Variants in SATL1 observed in about 807,000 individuals in gnomAD.
SATL1 encodes the protein spermidine/spermine N1-acetyl transferase like 1, also known as spermidine/spermine N(1)-acetyltransferase-like protein 1.
Under a neutral mutation model 51.8 loss-of-function variants are expected in SATL1, and 47 were observed. That is an observed-to-expected ratio of 0.91 (90% CI 0.72 to 1.16). SATL1 has a LOEUF of 1.16. Ranked by LOEUF, SATL1 falls within the 50% of genes most tolerant of loss-of-function variation. The probability of loss-of-function intolerance (pLI) is 0.00; values close to 1 mark genes in which losing one functional copy is unlikely to be tolerated. For missense variants in SATL1, 520 were observed against 526.4 expected, an observed-to-expected ratio of 0.99 and a Z score of 0.12; for synonymous variants, 176 against 182.4, an observed-to-expected ratio of 0.97 and a Z score of 0.28.
intron 2 of SATL1, chrX:85,142,930 C>A (rs1057510364): frequency 2.7e-5 from 3 of 111,553 alleles, no homozygotes; most frequent in Non-Finnish European, 5.6e-5. Flanking sequence ...CTTCCACTTT[C>A]ATTTCTTTCT....
chrX:85,122,883 C>A (rs937882186), intron 2 of SATL1, among the ~76,000 whole-genome samples: 2 of 111,352 alleles, frequency 1.8e-5, no homozygotes, highest in East Asian at 2.8e-4. Flanking sequence ...AATGTTTAGC[C>A]CCCACTGATA....
Position 85,108,737 on chromosome X carries a change from C to T in SATL1, c.232G>A (p.Asp78Asn). The T allele has an allele frequency of 8.3e-7, 1 of 1,207,823 alleles. No individual in the cohort carries two copies. ...DINQPDMKQPDTWQLGRSQPG... is the reference protein window; with the variant it reads ...DINQPDMKQPNTWQLGRSQPG... ...TGGCTCCTACCTAATTGCCATGTGT[C>T]TGGTTGTTTCATGTCGGGTTGGTTT... is the stretch of plus-strand genomic sequence containing the variant. The change falls in exon 3 of 8, where the codon GAC becomes AAC. Residue 78 changes from aspartate (D) to asparagine (N), a missense_variant. Around this residue, in one of 3 missense-constraint regions of SATL1, gnomAD observed 488 missense variants for 474.3 expected, o/e 1.03. Coordinates refer to ENST00000644105, the MANE Select transcript of SATL1 (RefSeq NM_001367857.2).
chrX:85,143,760 T>C (rs191560067), intron 2 of SATL1, among the ~76,000 whole-genome samples: 2 of 111,720 alleles, frequency 1.8e-5, no homozygotes, highest in Non-Finnish European at 1.9e-5. Context: ...GAGATAAATA[T>C]GAAAAATTCT....
chrX:85,107,302 G>C (rs994916046), intron 3 of SATL1, 26 bp downstream of exon 3: 28 of 1,162,730 alleles, frequency 2.4e-5, no homozygotes, highest in Non-Finnish European at 3.3e-5. Flanking sequence ...ATGCCATGAG[G>C]CTCCATGTAA....
intron 1 of SATL1, among the ~76,000 whole-genome samples, chrX:85,237,732 C>T (rs1243527974): frequency 9.0e-6 from 1 of 111,424 alleles, no homozygotes; most frequent in African/African-American, 3.3e-5. Flanking sequence ...TCAAGTTAAA[C>T]AGCTTATGCA....
rs1180344193 is a variant in SATL1 at position 85,095,757 on chromosome X, C to T, written c.1694-761G>A. 7.0e-5 allele frequency among the ~76,000 whole-genome samples: 6 copies of T among 85,543 alleles called. No homozygotes were observed. The East Asian group carries it at 1.7e-3, about 24-fold the overall frequency. 74.3% of individuals were successfully genotyped at this position (85,543 alleles called of 115,157 possible). Reference sequence around the variant, plus strand: ...AGGAGAATGGCGTGAACCCGGGAGGCGGAGCTTGCAGTGAGCCGAGATCCC... The same window carrying T: ...AGGAGAATGGCGTGAACCCGGGAGGTGGAGCTTGCAGTGAGCCGAGATCCC... On this transcript the variant is annotated intron_variant, in intron 4 of 7. Coordinates refer to ENST00000644105, the MANE Select transcript of SATL1 (RefSeq NM_001367857.2).
rs755750512 is a variant in SATL1 at position 85,148,610 on chromosome X, G to T, written c.-312-39330C>A. On this transcript the variant is annotated intron_variant, in intron 2 of 7. Transcript: ENST00000644105. ...AAGGGAAGCCCATCAGACTAACAGC[G>T]GATCTCTCGGCAAAAACTCTACAAG... 2.9e-3 allele frequency among the ~76,000 whole-genome samples: 319 copies of T among 111,561 alleles called. 1 individual carries two copies. The highest frequency in any genetic ancestry group is 4.3e-3 in the Non-Finnish European group (228 of 53,108).
At chrX:85,161,309 A>C (rs1926713724) in intron 2 of SATL1, among the ~76,000 whole-genome samples, 1 of 111,111 alleles carries the variant, frequency 9.0e-6, no homozygotes, top group African/African-American at 3.3e-5. Context: ...ACACATATCA[A>C]TACTAACCTT....
intron 2 of SATL1, chrX:85,143,507 G>T (rs1926156595): frequency 9.0e-6 from 1 of 111,322 alleles, no homozygotes; most frequent in Admixed American, 9.6e-5. Context: ...AATAACGTAA[G>T]AAAAATTTTA....
intron 1 of SATL1, among the ~76,000 whole-genome samples, chrX:85,225,758 C>T (rs1928267421): frequency 9.0e-6 from 1 of 111,680 alleles, no homozygotes; most frequent in Non-Finnish European, 1.9e-5. Context: ...CTCTGACGTT[C>T]TCCTTTAGTG....
chrX:85,210,883 G>GT (rs1250197533), intron 2 of SATL1: 1 of 111,596 alleles, frequency 9.0e-6, no homozygotes, highest in Non-Finnish European at 1.9e-5. Flanking sequence ...CAAAAAAAGA[G>GT]TATCTAAACA....
intron 2 of SATL1, among the ~76,000 whole-genome samples, chrX:85,129,604 T>C (rs1253450220): frequency 8.9e-6 from 1 of 111,822 alleles, no homozygotes; most frequent in East Asian, 2.8e-4. Context: ...AGGGACAATT[T>C]GACTTCCTCT....
chrX:85,236,415 C>T (rs1928481810), intron 1 of SATL1, among the ~76,000 whole-genome samples: 1 of 111,008 alleles, frequency 9.0e-6, no homozygotes. Flanking sequence ...GTTAATATTC[C>T]TAATGAAAAT....
intron 2 of SATL1, chrX:85,156,380 C>T (rs760115446): frequency 9.0e-6 from 1 of 111,445 alleles, no homozygotes; most frequent in South Asian, 3.8e-4. Context: ...GATTTTGATA[C>T]TGATATGAGG....
intron 2 of SATL1, among the ~76,000 whole-genome samples, chrX:85,142,015 A>G (rs927195586): frequency 9.7e-6 from 1 of 103,242 alleles, no homozygotes; most frequent in African/African-American, 3.5e-5. Context: ...TAATTGCAAA[A>G]ACTGCAATTA....
chrX:85,193,673 G>A (rs1477470973), intron 2 of SATL1, among the ~76,000 whole-genome samples: 1 of 111,375 alleles, frequency 9.0e-6, no homozygotes, highest in African/African-American at 3.3e-5. Flanking sequence ...TGTCCTCCCA[G>A]CCTCCACCCT....
intron 1 of SATL1, among the ~76,000 whole-genome samples, chrX:85,236,913 T>C (rs1452339640): frequency 9.0e-6 from 1 of 111,534 alleles, no homozygotes; most frequent in Non-Finnish European, 1.9e-5. Context: ...TTGCAGATGC[T>C]ATGATCTTAT....
chrX:85,094,286 AC>A (rs1288911771), intron 5 of SATL1, 57 bp from the exon 6 acceptor site: 1 of 637,926 alleles, frequency 1.6e-6, no homozygotes, highest in South Asian at 2.5e-5. Flanking sequence ...CCAGTTCTTT[AC>A]CCCCAAATTG....
chrX:85,122,041 C>T, intron 2 of SATL1, among the ~76,000 whole-genome samples: 1 of 108,137 alleles, frequency 9.2e-6, no homozygotes, highest in Non-Finnish European at 1.9e-5. Flanking sequence ...AAAAAACCCT[C>T]AACTCTTTAG....
Sources: allele counts gnomAD v4.1 joint callset (sites outside exome capture counted in the v4.1 genomes callset), GRCh38; gene constraint gnomAD v4.1.1; regional missense constraint gnomAD v4.1.1; transcripts MANE v1.5; gene names NCBI Gene and HGNC (gene_info 2026-07-23, HGNC 2026-07-21).